PCDHA13: variants seen among roughly 807,000 people sequenced by gnomAD.
The protein encoded by PCDHA13 is protocadherin alpha 13.
Under a neutral mutation model 64.8 loss-of-function variants are expected in PCDHA13, and 54 were observed. The observed-to-expected ratio is 0.83, with a 90% CI of 0.67 to 1.04. The LOEUF is 1.04. Among genes scored for constraint, PCDHA13 ranks in the 50% least tolerant of loss-of-function variants. The probability of loss-of-function intolerance (pLI) is 0.00; values close to 1 mark genes in which losing one functional copy is unlikely to be tolerated. For missense variants in PCDHA13, 1,248 were observed against 1,254.3 expected (o/e 0.99, Z 0.08); for synonymous variants, 587 against 564.4 (o/e 1.04, Z -0.57).
intron 1 of PCDHA13, among the ~76,000 whole-genome samples, chr5:140,886,356 T>C (rs1457178977): frequency 1.3e-5 from 2 of 152,194 alleles, no homozygotes; most frequent in South Asian, 2.1e-4. Flanking sequence ...GTTTGTTACA[T>C]AGGTGTACAT....
intron 1 of PCDHA13, among the ~76,000 whole-genome samples, chr5:140,905,764 A>G (rs2072069491): frequency 6.6e-6 from 1 of 152,144 alleles, no homozygotes; most frequent in African/African-American, 2.4e-5. Flanking sequence ...TTGGTTAAGT[A>G]TATTCCGAAG....
intron 1 of PCDHA13, among the ~76,000 whole-genome samples, chr5:140,894,001 G>A (rs2064275871): frequency 6.6e-6 from 1 of 152,098 alleles, no homozygotes; most frequent in African/African-American, 2.4e-5. Context: ...CAATTGTATG[G>A]TTGGTTCAAA....
chr5:140,927,637 G>A lies in PCDHA13; in HGVS notation c.2394+42975G>A, dbSNP rs1554204838. Reference sequence around the variant, plus strand: ...CAAGGTTCCAGAGACTGCACCCAATGGGACTGTGTTATTCCGAGTTCAAGC... The same window carrying A: ...CAAGGTTCCAGAGACTGCACCCAATAGGACTGTGTTATTCCGAGTTCAAGC... On this transcript the variant is annotated intron_variant, in intron 1 of 3. Coordinates refer to ENST00000289272, the MANE Select transcript of PCDHA13 (RefSeq NM_018904.3). 3.7e-6 allele frequency: 6 copies of A among 1,614,176 alleles called. 1 individual carries two copies. In the Middle Eastern group the frequency reaches 9.9e-4, roughly 266 times the overall value.
intron 1 of PCDHA13, among the ~76,000 whole-genome samples, chr5:140,924,446 G>A (rs1554201951): frequency 6.6e-6 from 1 of 152,110 alleles, no homozygotes; most frequent in African/African-American, 2.4e-5. Context: ...ATAACGAATG[G>A]GTTTGTGTGT....
At chr5:140,967,214 C>T (rs2096114688) in intron 1 of PCDHA13, 10 of 1,613,692 alleles carry the variant, frequency 6.2e-6, no homozygotes, top group Non-Finnish European at 8.5e-6. Context: ...GCGTTTCCCG[C>T]GGCCCAACTA....
Position 140,887,400 on chromosome 5 carries a change from A to G in PCDHA13, c.2394+2738A>G, listed in dbSNP as rs563892577. Among the ~76,000 whole-genome samples, 411 of 152,184 alleles carry G rather than the reference A, an allele frequency of 2.7e-3. 1 individual carries two copies. The highest frequency in any genetic ancestry group is 4.5e-3 in the Non-Finnish European group (305 of 68,000). On this transcript the variant is annotated intron_variant, in intron 1 of 3. Transcript: ENST00000289272. ...TGTGAGCCACCGCGCCCGGCTCTTT[A>G]TCTCATTTTTATTTTTGAAAAAGTA...
intron 3 of PCDHA13, 47 bp from the exon 4 acceptor site, chr5:141,009,580 G>T: frequency 1.3e-6 from 2 of 1,588,168 alleles, no homozygotes; most frequent in South Asian, 2.3e-5. Context: ...GTGGCATCAA[G>T]AGCATGTGTT....
At chr5:140,885,427 G>A (rs1276398573) in intron 1 of PCDHA13, among the ~76,000 whole-genome samples, 1 of 152,092 alleles carries the variant, frequency 6.6e-6, no homozygotes, top group Admixed American at 6.5e-5. Flanking sequence ...ATTCCACAGT[G>A]TAAGTGTGCA....
At position 140,882,414 on chromosome 5, in the gene PCDHA13, C is replaced by T; in HGVS notation, c.146C>T (p.Ala49Val). The change falls in exon 1 of 4, where the codon GCT becomes GTT. Residue 49 changes from alanine to valine, a missense_variant. Ala to Val is a moderately conservative substitution (Grantham distance 64, BLOSUM62 0). Coordinates refer to ENST00000289272, the MANE Select transcript of PCDHA13 (RefSeq NM_018904.3). Reference sequence around the variant, plus strand: ...CACGGCACCTTCGTGGGCCGCATCGCTCAGGACCTGGGGCTGGAGCTGGCG... The same window carrying T: ...CACGGCACCTTCGTGGGCCGCATCGTTCAGGACCTGGGGCTGGAGCTGGCG... ...AKHGTFVGRIAQDLGLELAEL... is the reference protein window; with the variant it reads ...AKHGTFVGRIVQDLGLELAEL... The T allele has an allele frequency of 1.2e-6, 2 of 1,614,148 alleles. No individual in the cohort carries two copies. The highest frequency in any genetic ancestry group is 8.5e-7 in the Non-Finnish European group (1 of 1,180,054).
chr5:140,916,602 C>T (rs1554197542), intron 1 of PCDHA13, among the ~76,000 whole-genome samples: 2 of 152,240 alleles, frequency 1.3e-5, no homozygotes, highest in African/African-American at 2.4e-5. Context: ...GCCTGGAATG[C>T]GGGCCTCATG....
chr5:140,929,931 A>G (rs2086483535), intron 1 of PCDHA13: 1 of 152,250 alleles, frequency 6.6e-6, no homozygotes, highest in Non-Finnish European at 1.5e-5. Flanking sequence ...AAAACAGTGT[A>G]TTCTCTAGCC....
chr5:140,938,406 T>A (rs1283027205), intron 1 of PCDHA13, among the ~76,000 whole-genome samples: 1 of 152,240 alleles, frequency 6.6e-6, no homozygotes, highest in African/African-American at 2.4e-5. Context: ...ATTGTTTGAT[T>A]GGGTTTATTT....
intron 1 of PCDHA13, chr5:140,968,357 C>T: frequency 6.2e-7 from 1 of 1,614,080 alleles, no homozygotes; most frequent in Non-Finnish European, 8.5e-7. Context: ...CAGTGGCAGC[C>T]TTTATGCTGT....
chr5:141,000,422 T>TATATA (rs1491457105), intron 3 of PCDHA13, among the ~76,000 whole-genome samples: 1 of 51,852 alleles, frequency 1.9e-5, no homozygotes, highest in Non-Finnish European at 3.5e-5. Flanking sequence ...TATATATATA[T>TATATA]TTTTTTTTTT....
rs561828077 is a variant in PCDHA13 at position 140,908,632 on chromosome 5, C to T, written c.2394+23970C>T. On this transcript the variant is annotated intron_variant, in intron 1 of 3. Transcript: ENST00000289272. ...TGCTCCAAAATCCTTGAGGTCTCCA[C>T]TGTGATTCACTTATGGGGGCCTGCC... Among the ~76,000 whole-genome samples the T allele has an allele frequency of 9.8e-5, 15 of 152,318 alleles. No individual in the cohort carries two copies. In the East Asian group the frequency reaches 2.9e-3, roughly 29 times the overall value.
chr5:140,984,945 C>CT (rs113297104), intron 3 of PCDHA13, among the ~76,000 whole-genome samples: 99 of 149,274 alleles, frequency 6.6e-4, no homozygotes, highest in Non-Finnish European at 1.1e-3. Context: ...AATGTCTAAT[C>CT]TTTTTTTTTT....
chr5:140,926,680 A>C (rs2153583997), intron 1 of PCDHA13: 1 of 637,102 alleles, frequency 1.6e-6, no homozygotes, highest in Non-Finnish European at 2.4e-6. Flanking sequence ...CCCAGCCTCC[A>C]GCCTAGCAAG....
chr5:140,933,332 G>A (rs2089060279), intron 1 of PCDHA13, among the ~76,000 whole-genome samples: 1 of 151,968 alleles, frequency 6.6e-6, no homozygotes, highest in African/African-American at 2.4e-5. Context: ...CTGTGCTGTA[G>A]AGAAAGATAA....
At chr5:140,925,082 A>G (rs1362065754) in intron 1 of PCDHA13, among the ~76,000 whole-genome samples, 1 of 147,284 alleles carries the variant, frequency 6.8e-6, no homozygotes, top group African/African-American at 2.6e-5. Context: ...GCTCATCTGG[A>G]AAGGAAGGAA....
Sources: gnomAD v4.1 joint callset for allele counts (sites outside exome capture counted in the v4.1 genomes callset) on GRCh38, gnomAD v4.1.1 for gene constraint, MANE v1.5 for transcripts, NCBI Gene and HGNC (gene_info 2026-07-23, HGNC 2026-07-21) for gene names.